Variants in ADPRM observed in about 807,000 individuals in gnomAD.
The protein encoded by ADPRM is manganese-dependent ADP-ribose/CDP-alcohol diphosphatase.
Under a neutral mutation model 27.2 loss-of-function variants are expected in ADPRM, and 17 were observed. The observed-to-expected ratio is 0.63, with a 90% CI of 0.43 to 0.94. The LOEUF (loss-of-function observed/expected upper bound fraction) is 0.94. ADPRM is among the 40% of genes least tolerant of loss of function. The pLI, the probability that ADPRM is intolerant of heterozygous loss-of-function variation, is 0.00. For synonymous variants in ADPRM, 135 were observed against 145.3 expected, an observed-to-expected ratio of 0.93 and a Z score of 0.51; for missense variants, 337 against 412.8, an observed-to-expected ratio of 0.82 and a Z score of 1.59.
intron 3 of ADPRM, among the ~76,000 whole-genome samples, chr17:10,708,112 G>A (rs483734): frequency 0.5 from 75,538 of 151,696 alleles, 19,592 homozygotes; most frequent in African/African-American, 0.65. Context: ...AGTGTTCTCA[G>A]TAGTGTATCT....
intron 3 of ADPRM, among the ~76,000 whole-genome samples, chr17:10,707,833 A>C (rs2074823563): frequency 6.6e-6 from 1 of 152,204 alleles, no homozygotes; most frequent in Non-Finnish European, 1.5e-5. Context: ...CTGCCATCAG[A>C]GATTGTAGGA....
In ADPRM at chr17:10,710,815, T is replaced by A. The variant is rs1379499508; in HGVS notation, c.719-19T>A. On this transcript the variant is annotated intron_variant, in intron 3 of 3. Coordinates refer to ENST00000379774, the MANE Select transcript of ADPRM (RefSeq NM_020233.5). ...TATTTCTTAATTGGCTCATAACTCTTCTTTTCTTTAACTAACAGGCCATCT... is the reference window on the plus strand; with the variant it reads ...TATTTCTTAATTGGCTCATAACTCTACTTTTCTTTAACTAACAGGCCATCT... The A allele has an allele frequency of 6.2e-7, 1 of 1,607,418 alleles. No homozygotes were observed.
intron 3 of ADPRM, among the ~76,000 whole-genome samples, chr17:10,707,063 C>T (rs1414498552): frequency 1.3e-5 from 2 of 151,868 alleles, no homozygotes; most frequent in Non-Finnish European, 2.9e-5. Flanking sequence ...TTTTTTGAAC[C>T]TTCTCTCCAT....
At position 10,711,254 on chromosome 17, in the gene ADPRM, G is replaced by A; in HGVS notation, c.*110G>A. 1 of 831,858 alleles carries A rather than the reference G, an allele frequency of 1.2e-6. No homozygotes were observed. The highest frequency in any genetic ancestry group is 2.7e-5 in the East Asian group (1 of 37,520). 51.5% of individuals were successfully genotyped at this position (831,858 alleles called of 1,614,324 possible). On this transcript the variant is annotated 3_prime_UTR_variant, in exon 4 of 4. Coordinates refer to ENST00000379774, the MANE Select transcript of ADPRM (RefSeq NM_020233.5). Reference sequence around the variant, plus strand: ...TAGTATTCAGCTTGCATAACAAAATGTATTTATAGTTTCAGTGTGTGATGG... The same window carrying A: ...TAGTATTCAGCTTGCATAACAAAATATATTTATAGTTTCAGTGTGTGATGG...
chr17:10,707,011 AC>A (rs2151463866), intron 3 of ADPRM, among the ~76,000 whole-genome samples: 1 of 152,072 alleles, frequency 6.6e-6, no homozygotes, highest in East Asian at 1.9e-4. Flanking sequence ...AAAAATAAAA[AC>A]TCCAGAAGTT....
At position 10,705,209 on chromosome 17, in the gene ADPRM, G is replaced by A. The variant is rs1432347471; in HGVS notation, c.283G>A (p.Asp95Asn). The A allele has an allele frequency of 6.2e-7, 1 of 1,614,062 alleles. No homozygotes were observed. The highest frequency in any genetic ancestry group is 1.1e-5 in the South Asian group (1 of 91,060). The change falls in exon 2 of 4, where the codon GAC becomes AAC. Residue 95 changes from aspartate (D) to asparagine (N), a missense_variant. Physicochemically the swap from Asp to Asn is conservative, Grantham distance 23. Transcript: ENST00000379774. The surrounding 1 kb of genome is among the most constrained non-coding windows in gnomAD (Gnocchi z 5.4). Reference sequence around the variant, plus strand: ...CAAAAAGTCCCTAGAACTTGTTATGGACATGTTCAAGAGGCTTAAAGTTCC... The same window carrying A: ...CAAAAAGTCCCTAGAACTTGTTATGAACATGTTCAAGAGGCTTAAAGTTCC... Reference protein sequence around the residue: ...ASKKSLELVMDMFKRLKVPVH... With the variant: ...ASKKSLELVMNMFKRLKVPVH...
Position 10,697,621 on chromosome 17 carries a change from T to A in ADPRM, c.-64T>A. On this transcript the variant is annotated 5_prime_UTR_variant, in exon 1 of 4. Transcript: ENST00000379774. ...CCGTCCCGCTCGTTGGTGGCGCTGTTACATAGCCCGTAGTCAGAGGCCTTT... is the reference window on the plus strand; with the variant it reads ...CCGTCCCGCTCGTTGGTGGCGCTGTAACATAGCCCGTAGTCAGAGGCCTTT... 1 of 1,328,616 alleles carries A rather than the reference T, an allele frequency of 7.5e-7. No homozygotes were observed. The allele number at this position is 1,328,616 out of a possible 1,614,324, so 82.3% of individuals were successfully genotyped here.
intron 1 of ADPRM, among the ~76,000 whole-genome samples, chr17:10,700,623 G>A (rs1411208781): frequency 6.6e-6 from 1 of 151,596 alleles, no homozygotes; most frequent in African/African-American, 2.4e-5. Context: ...AAAAAGTCAG[G>A]TGTGGTGGTA....
At chr17:10,707,272 G>T (rs770122030) in intron 3 of ADPRM, among the ~76,000 whole-genome samples, 10 of 152,214 alleles carry the variant, frequency 6.6e-5, no homozygotes, top group Non-Finnish European at 1.3e-4. Context: ...CCACTTGGGA[G>T]GCTGAGGCAG....
At chr17:10,707,178 T>TG (rs2074818348) in intron 3 of ADPRM, among the ~76,000 whole-genome samples, 1 of 152,112 alleles carries the variant, frequency 6.6e-6, no homozygotes, top group South Asian at 2.1e-4. Context: ...GAATTCAGCC[T>TG]GGCCAACATG....
intron 1 of ADPRM, among the ~76,000 whole-genome samples, chr17:10,699,607 C>T (rs1365246284): frequency 6.6e-6 from 1 of 151,014 alleles, no homozygotes; most frequent in Non-Finnish European, 1.5e-5. Flanking sequence ...TCACTGCAAC[C>T]TCCGCCTCCT....
At chr17:10,704,797 T>G in intron 1 of ADPRM, 113 bp from the exon 2 acceptor site, 1 of 907,092 alleles carries the variant, frequency 1.1e-6, no homozygotes, top group South Asian at 1.8e-5. Context: ...TACTTTTTCC[T>G]GTACCAAGCT....
At chr17:10,707,881 G>A (rs756527885) in intron 3 of ADPRM, among the ~76,000 whole-genome samples, 4 of 152,210 alleles carry the variant, frequency 2.6e-5, no homozygotes, top group South Asian at 2.1e-4. Context: ...GTGTATGTGC[G>A]CATGGGCACG....
intron 3 of ADPRM, among the ~76,000 whole-genome samples, chr17:10,707,367 C>T (rs944160659): frequency 7.2e-5 from 11 of 152,008 alleles, no homozygotes; most frequent in Non-Finnish European, 1.5e-5. Flanking sequence ...AAGCAAGACC[C>T]TATCTCAAAA....
intron 3 of ADPRM, among the ~76,000 whole-genome samples, chr17:10,706,770 G>T (rs555349216): frequency 2.0e-5 from 3 of 152,204 alleles, no homozygotes; most frequent in African/African-American, 7.2e-5. Context: ...CCATATATTG[G>T]AGCCTGTGAG....
At position 10,705,073 on chromosome 17, in the gene ADPRM, T is replaced by C. The variant is rs780987054; in HGVS notation, c.147T>C (p.Leu49=). The C allele has an allele frequency of 3.1e-6, 5 of 1,614,136 alleles. No individual in the cohort carries two copies. The highest frequency in any genetic ancestry group is 4.2e-6 in the Non-Finnish European group (5 of 1,180,024). ...GGCGGCGATACTACAGACATAGTCT[T>C]CTTCACTTACAGGGTGCCATTGAAG... The part of the protein sequence containing the change: ...GTRRRYYRHS[L]LHLQGAIEDW... The change falls in exon 2 of 4, where the codon CTT becomes CTC. Residue 49 remains leucine, a synonymous_variant. Transcript: ENST00000379774. This position sits in a 1 kb window ranked among gnomAD's most constrained non-coding sequence, Gnocchi z 5.4.
intron 3 of ADPRM, among the ~76,000 whole-genome samples, chr17:10,709,761 A>G (rs2074839191): frequency 6.6e-6 from 1 of 152,080 alleles, no homozygotes. Flanking sequence ...TATTAAATAG[A>G]AGCATGTTTA....
chr17:10,705,754 A>G lies in ADPRM; in HGVS notation c.601+227A>G. The G allele has an allele frequency of 1.6e-6, 1 of 616,072 alleles. No homozygotes were observed. Among genetic ancestry groups the G allele is most frequent in the Non-Finnish European group, 2.7e-6 (1 of 367,910 alleles). The allele number at this position is 616,072 out of a possible 1,614,324, so 38.2% of individuals were successfully genotyped here. On this transcript the variant is annotated intron_variant, in intron 2 of 3. Coordinates refer to ENST00000379774, the MANE Select transcript of ADPRM (RefSeq NM_020233.5). The surrounding 1 kb of genome is among the most constrained non-coding windows in gnomAD (Gnocchi z 5.4). ...GGCCAGGCACTTTTTCTAGGGGTAG[A>G]TATTCCGAGCTGTAAACAATACTAA...
In ADPRM at chr17:10,705,217, C is replaced by CA; in HGVS notation, c.293dup (p.Arg99GlufsTer3). The stretch of plus-strand genomic sequence containing the variant: ...CCCTAGAACTTGTTATGGACATGTT[C>CA]AAGAGGCTTAAAGTTCCAGTTCATC... On this transcript the variant is annotated frameshift_variant, in exon 2 of 4. Transcript: ENST00000379774. LOFTEE classifies it high-confidence loss of function. This position sits in a 1 kb window ranked among gnomAD's most constrained non-coding sequence, Gnocchi z 5.4. 3 of 1,614,014 alleles carry CA rather than the reference C, an allele frequency of 1.9e-6. No homozygotes were observed. The highest frequency in any genetic ancestry group is 2.5e-6 in the Non-Finnish European group (3 of 1,179,996).
Sources: allele counts gnomAD v4.1 joint callset (sites outside exome capture counted in the v4.1 genomes callset), GRCh38; gene constraint gnomAD v4.1.1; non-coding constraint Gnocchi (gnomAD v3.1); transcripts MANE v1.5; gene names NCBI Gene and HGNC (gene_info 2026-07-23, HGNC 2026-07-21).